The following UBE2E2 variants were observed in gnomAD, a reference collection of about 807,000 sequenced individuals.
UBE2E2 encodes the protein ubiquitin conjugating enzyme E2 E2.
A neutral mutation model predicts 24.7 loss-of-function variants in UBE2E2; 6 were observed. The observed-to-expected ratio is 0.24, with a 90% CI of 0.13 to 0.48. The LOEUF (loss-of-function observed/expected upper bound fraction) is 0.48. Ranked by LOEUF, UBE2E2 falls within the 20% of genes least tolerant of loss-of-function variation. The probability of loss-of-function intolerance (pLI) is 0.99; values close to 1 mark genes in which losing one functional copy is unlikely to be tolerated. For synonymous variants in UBE2E2, 104 were observed against 83.6 expected (o/e 1.24, Z -1.33); for missense variants, 169 against 245.0 (o/e 0.69, Z 2.07).
At chr3:23,409,823 C>T (rs906798122) in intron 3 of UBE2E2, among the ~76,000 whole-genome samples, 2 of 152,104 alleles carry the variant, frequency 1.3e-5, no homozygotes, top group African/African-American at 4.8e-5. Context: ...TGCTAGAAGT[C>T]CTTAGAGTTT....
rs1043215149 is a variant in UBE2E2 at position 23,352,184 on chromosome 3, A to G, written c.227+134872A>G. ...GAAATAAAGATGTTCTTTGAAACCA[A>G]CGAGAACAAAGACACAACATACCAG... On this transcript the variant is annotated intron_variant, in intron 3 of 5. Transcript: ENST00000396703. Among the ~76,000 whole-genome samples, 14 of 152,234 alleles carry G rather than the reference A, an allele frequency of 9.2e-5. 2 individuals are homozygous for G. The highest frequency in any genetic ancestry group is 2.6e-4 in the Admixed American group (4 of 15,290).
intron 3 of UBE2E2, among the ~76,000 whole-genome samples, chr3:23,244,487 C>A (rs1575498951): frequency 1.3e-5 from 2 of 152,114 alleles, no homozygotes; most frequent in East Asian, 3.8e-4. Flanking sequence ...AGAGGGCCAA[C>A]TTTTTATTGT....
intron 3 of UBE2E2, among the ~76,000 whole-genome samples, chr3:23,264,574 A>T (rs1318525692): frequency 1.3e-5 from 2 of 152,180 alleles, no homozygotes; most frequent in African/African-American, 2.4e-5. Flanking sequence ...AAATTTTAGA[A>T]TATAATGCCA....
At chr3:23,346,116 G>C (rs1193502702) in intron 3 of UBE2E2, among the ~76,000 whole-genome samples, 2 of 152,056 alleles carry the variant, frequency 1.3e-5, no homozygotes, top group South Asian at 2.1e-4. Flanking sequence ...TTTCTTAAAA[G>C]GCAATTTCTA....
rs928568441 is a variant in UBE2E2 at position 23,470,769 on chromosome 3, C to G, written c.228-28839C>G. ...TAAAGGAATTTAATAAGTATATATT[C>G]TGTTCTTAAGCCTTTGAAAACCATG... On this transcript the variant is annotated intron_variant, in intron 3 of 5. Coordinates refer to ENST00000396703, the MANE Select transcript of UBE2E2 (RefSeq NM_152653.4). 6.6e-5 allele frequency among the ~76,000 whole-genome samples: 10 copies of G among 152,106 alleles called. 2 individuals are homozygous for G. The highest frequency in any genetic ancestry group is 1.3e-4 in the Admixed American group (2 of 15,288).
chr3:23,378,685 GA>G (rs1263891779), intron 3 of UBE2E2, among the ~76,000 whole-genome samples: 1 of 120,884 alleles, frequency 8.3e-6, no homozygotes, highest in East Asian at 2.2e-4. Flanking sequence ...GCTTCCCTTT[GA>G]AATTCATTTA....
At chr3:23,301,790 A>G (rs1313988148) in intron 3 of UBE2E2, among the ~76,000 whole-genome samples, 7 of 148,520 alleles carry the variant, frequency 4.7e-5, no homozygotes, top group East Asian at 1.9e-4. Context: ...TGCTGGGAGA[A>G]CCACTACTGT....
intron 3 of UBE2E2, among the ~76,000 whole-genome samples, chr3:23,411,954 T>C (rs2125382082): frequency 6.6e-6 from 1 of 152,322 alleles, no homozygotes; most frequent in South Asian, 2.1e-4. Context: ...TCACAGTTGC[T>C]TGTCTACAAT....
intron 3 of UBE2E2, among the ~76,000 whole-genome samples, chr3:23,256,619 C>T (rs1697729120): frequency 6.6e-6 from 1 of 152,026 alleles, no homozygotes; most frequent in Admixed American, 6.6e-5. Context: ...TTAATAAAAT[C>T]CCTTTGAAAT....
chr3:23,404,961 G>A (rs1486087612), intron 3 of UBE2E2, among the ~76,000 whole-genome samples: 1 of 152,182 alleles, frequency 6.6e-6, no homozygotes, highest in African/African-American at 2.4e-5. Context: ...CACTTCGTTA[G>A]CATTCTGAAA....
intron 3 of UBE2E2, among the ~76,000 whole-genome samples, chr3:23,464,407 A>AC (rs1300061097): frequency 6.6e-5 from 10 of 152,140 alleles, no homozygotes; most frequent in African/African-American, 2.4e-4. Flanking sequence ...TATCTGCATA[A>AC]TATCAACCAT....
At chr3:23,348,366 A>T (rs1325164147) in intron 3 of UBE2E2, among the ~76,000 whole-genome samples, 1 of 147,466 alleles carries the variant, frequency 6.8e-6, no homozygotes. Flanking sequence ...AAAAAAAAAG[A>T]ATAGTCCATA....
intron 3 of UBE2E2, among the ~76,000 whole-genome samples, chr3:23,273,395 A>G (rs1036440376): frequency 6.6e-6 from 1 of 152,044 alleles, no homozygotes; most frequent in Non-Finnish European, 1.5e-5. Flanking sequence ...GCCGGGCGTG[A>G]TGGCGGACGC....
intron 3 of UBE2E2, among the ~76,000 whole-genome samples, chr3:23,227,426 G>A (rs937229194): frequency 1.3e-5 from 2 of 152,200 alleles, no homozygotes. Flanking sequence ...GAAAGTTTAT[G>A]TGAATGTGTA....
At chr3:23,359,788 A>G (rs770488500) in intron 3 of UBE2E2, among the ~76,000 whole-genome samples, 2 of 152,176 alleles carry the variant, frequency 1.3e-5, no homozygotes, top group African/African-American at 2.4e-5. Flanking sequence ...AAAATTTGGA[A>G]TTCCAGTGTA....
chr3:23,485,761 C>G (rs1699355678), intron 3 of UBE2E2, among the ~76,000 whole-genome samples: 2 of 152,130 alleles, frequency 1.3e-5, no homozygotes, highest in African/African-American at 4.8e-5. Context: ...TTGTGCATTT[C>G]TTTCATGATC....
At chr3:23,404,429 C>G (rs1697307794) in intron 3 of UBE2E2, among the ~76,000 whole-genome samples, 1 of 152,128 alleles carries the variant, frequency 6.6e-6, no homozygotes, top group South Asian at 2.1e-4. Flanking sequence ...ACTTGTTACT[C>G]ATAGCCCATA....
chr3:23,271,753 A>G lies in UBE2E2; in HGVS notation c.227+54441A>G, dbSNP rs1468907590. 2.0e-5 allele frequency among the ~76,000 whole-genome samples: 3 copies of G among 152,040 alleles called. No homozygotes were observed. In the East Asian group the frequency reaches 5.8e-4, roughly 29 times the overall value. The stretch of plus-strand genomic sequence containing the variant: ...GATTGGTGTGTTTACAAACCTTGAG[A>G]TAGACACAGGGTGCTAATTGGTGTA... On this transcript the variant is annotated intron_variant, in intron 3 of 5. Coordinates refer to ENST00000396703, the MANE Select transcript of UBE2E2 (RefSeq NM_152653.4).
intron 5 of UBE2E2, among the ~76,000 whole-genome samples, chr3:23,576,109 C>A (rs1191382925): frequency 6.6e-6 from 1 of 152,050 alleles, no homozygotes; most frequent in Non-Finnish European, 1.5e-5. Context: ...TATTTTTTTA[C>A]TTTATACATA....
Sources: gnomAD v4.1 joint callset for allele counts (sites outside exome capture counted in the v4.1 genomes callset) on GRCh38, gnomAD v4.1.1 for gene constraint, MANE v1.5 for transcripts, NCBI Gene and HGNC (gene_info 2026-07-23, HGNC 2026-07-21) for gene names.